The following YWHAE variants were observed in gnomAD, a reference collection of about 807,000 sequenced individuals.
YWHAE encodes tyrosine 3-monooxygenase/tryptophan 5-monooxygenase activation protein epsilon.
Under a neutral mutation model 30.1 loss-of-function variants are expected in YWHAE, and 4 were observed. The observed-to-expected ratio is 0.13, with a 90% CI of 0.07 to 0.30. The LOEUF is 0.30. Ranked by LOEUF, YWHAE falls within the 10% of genes least tolerant of loss-of-function variation. The pLI is 1.00. For synonymous variants in YWHAE, 118 were observed against 111.8 expected, an observed-to-expected ratio of 1.06 and a Z score of -0.35; for missense variants, 121 against 315.9, an observed-to-expected ratio of 0.38 and a Z score of 4.68.
At chr17:1,399,700 C>T (rs567018287) in intron 1 of YWHAE, 425 of 475,128 alleles carry the variant, frequency 8.9e-4, no homozygotes, top group Admixed American at 2.0e-3. Flanking sequence ...CCCAGAAGCT[C>T]CCATGAGGGT....
intron 1 of YWHAE, among the ~76,000 whole-genome samples, chr17:1,387,098 C>T (rs1456698469): frequency 1.3e-5 from 2 of 152,174 alleles, no homozygotes; most frequent in Non-Finnish European, 2.9e-5. Flanking sequence ...ATTTTGACTG[C>T]AAAAGCTACT....
intron 2 of YWHAE, among the ~76,000 whole-genome samples, chr17:1,363,765 T>TCC (rs1399828588): frequency 6.6e-6 from 1 of 151,104 alleles, no homozygotes; most frequent in Non-Finnish European, 1.5e-5. Context: ...TAACTGTGGT[T>TCC]CCCCCACCCT....
chr17:1,359,475 A>G (rs1183186193), intron 4 of YWHAE, among the ~76,000 whole-genome samples: 4 of 152,208 alleles, frequency 2.6e-5, no homozygotes, highest in Non-Finnish European at 5.9e-5. Flanking sequence ...ATGACTAAAC[A>G]ATGTGTGCAA....
At chr17:1,363,377 T>C (rs2072892987) in intron 2 of YWHAE, among the ~76,000 whole-genome samples, 1 of 152,162 alleles carries the variant, frequency 6.6e-6, no homozygotes, top group Non-Finnish European at 1.5e-5. Flanking sequence ...GCGATTCTCC[T>C]GTCTCAGCCT....
At chr17:1,356,600 G>A (rs1163803982) in intron 4 of YWHAE, among the ~76,000 whole-genome samples, 2 of 152,308 alleles carry the variant, frequency 1.3e-5, no homozygotes, top group Admixed American at 1.3e-4. Flanking sequence ...ACCAGTATTA[G>A]CTAAATAGCC....
chr17:1,364,534 A>G (rs999719771), intron 2 of YWHAE, among the ~76,000 whole-genome samples: 4 of 152,074 alleles, frequency 2.6e-5, no homozygotes, highest in Non-Finnish European at 5.9e-5. Flanking sequence ...CCAACCCACC[A>G]TATTTTTTTA....
At chr17:1,397,111 C>A (rs908291880) in intron 1 of YWHAE, among the ~76,000 whole-genome samples, 1 of 151,968 alleles carries the variant, frequency 6.6e-6, no homozygotes, top group African/African-American at 2.4e-5. Context: ...GTTGGCCAGG[C>A]TGGTCTTGAA....
intron 1 of YWHAE, among the ~76,000 whole-genome samples, chr17:1,394,751 G>C (rs574248656): frequency 6.6e-6 from 1 of 152,140 alleles, no homozygotes; most frequent in East Asian, 1.9e-4. Flanking sequence ...AGGATCACCT[G>C]AGGTCAGGAG....
chr17:1,352,803 G>A (rs1006798231), intron 5 of YWHAE, among the ~76,000 whole-genome samples: 3 of 152,154 alleles, frequency 2.0e-5, no homozygotes, highest in Admixed American at 6.5e-5. Flanking sequence ...GGGATTATAG[G>A]CATGAGCCAC....
chr17:1,373,968 C>A (rs914149054), intron 1 of YWHAE, among the ~76,000 whole-genome samples: 1 of 152,090 alleles, frequency 6.6e-6, no homozygotes, highest in African/African-American at 2.4e-5. Context: ...AGTTTCATGC[C>A]TAGTGTAGCA....
At chr17:1,370,807 TAACAAGGTG>T (rs2073030178) in intron 1 of YWHAE, among the ~76,000 whole-genome samples, 1 of 151,768 alleles carries the variant, frequency 6.6e-6, no homozygotes. Flanking sequence ...CCATCCTGGC[TAACAAGGTG>T]AAAACCTCGT....
intron 1 of YWHAE, among the ~76,000 whole-genome samples, chr17:1,389,898 C>T (rs879488490): frequency 1.3e-5 from 2 of 151,662 alleles, no homozygotes; most frequent in South Asian, 2.1e-4. Flanking sequence ...GGCTGGAGTG[C>T]AATGGTACAA....
At chr17:1,372,769 C>A (rs2073061161) in intron 1 of YWHAE, among the ~76,000 whole-genome samples, 1 of 151,938 alleles carries the variant, frequency 6.6e-6, no homozygotes, top group South Asian at 2.1e-4. Context: ...GCCTGGGCAA[C>A]AGGTGAGACC....
chr17:1,355,189 C>T (rs1164198066), intron 4 of YWHAE, among the ~76,000 whole-genome samples: 1 of 107,730 alleles, frequency 9.3e-6, no homozygotes, highest in African/African-American at 3.7e-5. Flanking sequence ...CGGGGTCTCG[C>T]TCTATCACCC....
At chr17:1,375,647 T>C (rs541869402) in intron 1 of YWHAE, among the ~76,000 whole-genome samples, 13 of 152,320 alleles carry the variant, frequency 8.5e-5, no homozygotes, top group African/African-American at 3.1e-4. Context: ...AACATACTCC[T>C]CACAAGTTAA....
intron 1 of YWHAE, among the ~76,000 whole-genome samples, chr17:1,374,133 C>G (rs2073089348): frequency 6.6e-6 from 1 of 151,926 alleles, no homozygotes; most frequent in Non-Finnish European, 1.5e-5. Context: ...CAAAACATGG[C>G]AAAACCCCGT....
At chr17:1,364,691 T>C (rs568508654) in intron 2 of YWHAE, 168 bp downstream of exon 2, 1 of 846,030 alleles carries the variant, frequency 1.2e-6, no homozygotes, top group Admixed American at 2.8e-5. Context: ...TAGCCACGGG[T>C]AAGTTTAACT....
rs781335314 is a variant in YWHAE at position 1,361,102 on chromosome 17, G to A, written c.568C>T (p.Arg190Cys). ...FYYEILNSPDRACRLAKAAFD... is the reference protein window; with the variant it reads ...FYYEILNSPDCACRLAKAAFD... ...TTCCCCACAACTTACCTGCAGGCAC[G>A]GTCAGGGGAATTAAGAATTTCGTAG... Residue 190 changes from arginine (R) to cysteine (C), a missense_variant, in exon 4 of 6, where the codon CGT (arginine) becomes TGT (cysteine). Physicochemically the swap from Arg to Cys is radical, Grantham distance 180 (BLOSUM62 -3). Coordinates refer to ENST00000264335, the MANE Select transcript of YWHAE (RefSeq NM_006761.5). 6 of 1,613,974 alleles carry A rather than the reference G, an allele frequency of 3.7e-6. No individual in the cohort carries two copies. Among genetic ancestry groups the A allele is most frequent in the Admixed American group, 1.7e-5 (1 of 59,986 alleles).
chr17:1,378,109 A>G (rs750137260), intron 1 of YWHAE, among the ~76,000 whole-genome samples: 1 of 152,230 alleles, frequency 6.6e-6, no homozygotes, highest in Non-Finnish European at 1.5e-5. Context: ...AGTTTGTTGG[A>G]GAGAAACTTA....
Sources: gnomAD v4.1 joint callset for allele counts (sites outside exome capture counted in the v4.1 genomes callset) on GRCh38, gnomAD v4.1.1 for gene constraint, MANE v1.5 for transcripts, NCBI Gene and HGNC (gene_info 2026-07-23, HGNC 2026-07-21) for gene names.